Variants in AGBL1 observed in about 807,000 individuals in gnomAD.
The protein encoded by AGBL1 is cytosolic carboxypeptidase 4.
AGBL1 carries 130 observed loss-of-function variants against 118.9 expected under a neutral mutation model. That is an observed-to-expected ratio of 1.09 (90% CI 0.95 to 1.26). AGBL1 has a LOEUF of 1.26. Ranked by LOEUF, AGBL1 falls within the 50% of genes most tolerant of loss-of-function variation. The pLI is 0.00. For missense variants in AGBL1, 1,584 were observed against 1,298.1 expected, an observed-to-expected ratio of 1.22 and a Z score of -3.38; for synonymous variants, 555 against 478.9, an observed-to-expected ratio of 1.16 and a Z score of -2.08.
At chr15:86,749,706 G>T (rs1169025946) in intron 22 of AGBL1, among the ~76,000 whole-genome samples, 3 of 152,166 alleles carry the variant, frequency 2.0e-5, no homozygotes, top group Non-Finnish European at 4.4e-5. Flanking sequence ...TTTATTGAGA[G>T]TTTTTAGCAT....
intron 17 of AGBL1, chr15:86,305,035 A>G (rs1267572153): frequency 6.6e-6 from 1 of 152,094 alleles, no homozygotes; most frequent in African/African-American, 2.4e-5. Flanking sequence ...GGATTCTTAT[A>G]CCCAAGGAAT....
At chr15:86,901,072 G>A (rs1201102902) in intron 22 of AGBL1, among the ~76,000 whole-genome samples, 1 of 152,032 alleles carries the variant, frequency 6.6e-6, no homozygotes, top group Non-Finnish European at 1.5e-5. Flanking sequence ...TTTTCCAGTG[G>A]TGAGGATTTT....
At chr15:86,786,468 TTATG>T (rs2078414598) in intron 22 of AGBL1, among the ~76,000 whole-genome samples, 1 of 152,192 alleles carries the variant, frequency 6.6e-6, no homozygotes, top group Non-Finnish European at 1.5e-5. Context: ...TAGGGCATAT[TTATG>T]TATTAAATAC....
chr15:86,200,009 T>C (rs2141852690), intron 5 of AGBL1, among the ~76,000 whole-genome samples: 1 of 152,312 alleles, frequency 6.6e-6, no homozygotes, highest in Admixed American at 6.5e-5. Flanking sequence ...GTGTTTACCA[T>C]TGGGGATTGA....
At chr15:86,262,458 T>C (rs1053601925) in intron 9 of AGBL1, among the ~76,000 whole-genome samples, 1 of 152,176 alleles carries the variant, frequency 6.6e-6, no homozygotes, top group Non-Finnish European at 1.5e-5. Flanking sequence ...ATGCTGACGA[T>C]AGTGGCAATG....
At chr15:86,726,273 T>C (rs948880551) in intron 22 of AGBL1, among the ~76,000 whole-genome samples, 2 of 152,170 alleles carry the variant, frequency 1.3e-5, no homozygotes, top group Admixed American at 6.6e-5. Flanking sequence ...CAGTGACAGA[T>C]GCAAGATCTG....
chr15:86,983,850 A>T (rs913497178), intron 23 of AGBL1, among the ~76,000 whole-genome samples: 1 of 152,210 alleles, frequency 6.6e-6, no homozygotes, highest in East Asian at 1.9e-4. Flanking sequence ...TTTGAGATTT[A>T]TCCATGTTGT....
At chr15:86,765,247 CA>C (rs1051409032) in intron 22 of AGBL1, among the ~76,000 whole-genome samples, 3 of 151,760 alleles carry the variant, frequency 2.0e-5, no homozygotes, top group South Asian at 2.1e-4. Context: ...CTTCCCCTTG[CA>C]AAAAATATGC....
At chr15:86,719,467 T>C (rs895380563) in intron 22 of AGBL1, among the ~76,000 whole-genome samples, 1 of 152,188 alleles carries the variant, frequency 6.6e-6, no homozygotes, top group Non-Finnish European at 1.5e-5. Context: ...GTTGAAATCT[T>C]CATCAGGAGT....
At chr15:86,730,755 A>G (rs144068108) in intron 22 of AGBL1, among the ~76,000 whole-genome samples, 2 of 152,346 alleles carry the variant, frequency 1.3e-5, no homozygotes, top group East Asian at 3.9e-4. Flanking sequence ...AGAGAACACA[A>G]ATTTCAGAGT....
chr15:86,231,720 C>T (rs986818953), intron 6 of AGBL1, among the ~76,000 whole-genome samples: 11 of 152,180 alleles, frequency 7.2e-5, no homozygotes, highest in Non-Finnish European at 1.2e-4. Context: ...TAACTCACAT[C>T]GTTAGTGGGC....
At chr15:86,826,718 T>G (rs1431828677) in intron 22 of AGBL1, among the ~76,000 whole-genome samples, 1 of 152,088 alleles carries the variant, frequency 6.6e-6, no homozygotes, top group African/African-American at 2.4e-5. Context: ...AGAAATGCAC[T>G]GGGGATAAGG....
intron 18 of AGBL1, among the ~76,000 whole-genome samples, chr15:86,471,365 T>A (rs1284119657): frequency 6.6e-6 from 1 of 152,212 alleles, no homozygotes; most frequent in Non-Finnish European, 1.5e-5. Flanking sequence ...TTGTATATGA[T>A]GAACCATCTT....
chr15:86,771,975 T>G (rs1490952207), intron 22 of AGBL1, among the ~76,000 whole-genome samples: 1 of 151,842 alleles, frequency 6.6e-6, no homozygotes, highest in South Asian at 2.1e-4. Flanking sequence ...AGAAATGAAG[T>G]AAGGGCCTGA....
chr15:86,278,703 A>G (rs1214859093), intron 15 of AGBL1, among the ~76,000 whole-genome samples: 1 of 152,178 alleles, frequency 6.6e-6, no homozygotes, highest in Non-Finnish European at 1.5e-5. Context: ...CAAAGGTGGA[A>G]TTACATCTTG....
At chr15:86,367,207 C>T (rs762873690) in intron 17 of AGBL1, among the ~76,000 whole-genome samples, 10 of 152,278 alleles carry the variant, frequency 6.6e-5, no homozygotes, top group Non-Finnish European at 1.5e-4. Flanking sequence ...AATCTTTAAG[C>T]ATGGTTTTAT....
At chr15:86,119,350 T>C (rs1897950637) in intron 1 of AGBL1, among the ~76,000 whole-genome samples, 1 of 151,916 alleles carries the variant, frequency 6.6e-6, no homozygotes. Flanking sequence ...TTTTTTTTTT[T>C]GGCACACCTC....
intron 21 of AGBL1, among the ~76,000 whole-genome samples, chr15:86,650,265 C>G (rs149428331): frequency 6.6e-6 from 1 of 152,108 alleles, no homozygotes; most frequent in Admixed American, 6.6e-5. Flanking sequence ...TTCCTTATTA[C>G]TAAGTATGGC....
Position 86,640,829 on chromosome 15 carries a change from C to T in AGBL1, c.2995-33444C>T, listed in dbSNP as rs187684622. On this transcript the variant is annotated intron_variant, in intron 21 of 22. Coordinates refer to ENST00000614907, the MANE Select transcript of AGBL1 (RefSeq NM_001386094.1). ...TTTCTGAAAATAATTAGCCAGTTTA[C>T]ATCCTTCCAAGAGTCTAGAAGATTG... is the stretch of plus-strand genomic sequence containing the variant. Among the ~76,000 whole-genome samples, 351 of 152,246 alleles carry T rather than the reference C, an allele frequency of 2.3e-3. 1 individual carries two copies. Among genetic ancestry groups the T allele is most frequent in the African/African-American group, 8.0e-3 (332 of 41,570 alleles).
Sources: gnomAD v4.1 joint callset for allele counts (sites outside exome capture counted in the v4.1 genomes callset) on GRCh38, gnomAD v4.1.1 for gene constraint, MANE v1.5 for transcripts, NCBI Gene and HGNC (gene_info 2026-07-23, HGNC 2026-07-21) for gene names.